GRID2: variants seen among roughly 807,000 people sequenced by gnomAD.
GRID2 encodes glutamate ionotropic receptor delta type subunit 2.
Under a neutral mutation model 114.8 loss-of-function variants are expected in GRID2, and 33 were observed. The ratio of observed to expected loss-of-function variants is 0.29; its 90% CI spans 0.22 to 0.38. The LOEUF is 0.38. Among genes scored for constraint, GRID2 ranks in the 10% least tolerant of loss-of-function variants. GRID2 has a pLI of 1.00. For synonymous variants in GRID2, 505 were observed against 449.9 expected (o/e 1.12, Z -1.55); for missense variants, 1,184 against 1,257.7 (o/e 0.94, Z 0.89).
At chr4:93,717,993 C>T (rs535360549) in intron 14 of GRID2, among the ~76,000 whole-genome samples, 5 of 152,280 alleles carry the variant, frequency 3.3e-5, no homozygotes, top group East Asian at 1.9e-4. Flanking sequence ...CGGTGACTTA[C>T]GCCTGTAATC....
intron 2 of GRID2, among the ~76,000 whole-genome samples, chr4:93,051,445 C>T (rs1726701806): frequency 6.6e-6 from 1 of 152,028 alleles, no homozygotes; most frequent in Non-Finnish European, 1.5e-5. Flanking sequence ...CATGTCACCT[C>T]AGACCTAGAC....
chr4:92,998,968 T>C (rs950461476), intron 2 of GRID2, among the ~76,000 whole-genome samples: 6 of 151,930 alleles, frequency 3.9e-5, no homozygotes, highest in African/African-American at 1.4e-4. Flanking sequence ...TGTAGAAAAT[T>C]ATGATATAGC....
intron 4 of GRID2, among the ~76,000 whole-genome samples, chr4:93,194,959 G>C (rs988469863): frequency 4.6e-5 from 7 of 152,096 alleles, no homozygotes; most frequent in African/African-American, 1.7e-4. Context: ...AATACATTGT[G>C]CACAGCTTTT....
chr4:92,837,741 A>T (rs1742558931), intron 2 of GRID2, among the ~76,000 whole-genome samples: 1 of 152,088 alleles, frequency 6.6e-6, no homozygotes, highest in African/African-American at 2.4e-5. Context: ...GGTAAAAAGT[A>T]ATTGGATTTG....
intron 13 of GRID2, among the ~76,000 whole-genome samples, chr4:93,617,086 G>A (rs1046632390): frequency 1.3e-5 from 2 of 151,946 alleles, no homozygotes; most frequent in African/African-American, 4.8e-5. Context: ...AGTTTTTGTT[G>A]CCATTATTTG....
At chr4:92,988,709 G>A (rs1309232144) in intron 2 of GRID2, among the ~76,000 whole-genome samples, 1 of 152,078 alleles carries the variant, frequency 6.6e-6, no homozygotes, top group Non-Finnish European at 1.5e-5. Flanking sequence ...TATCCTAGAA[G>A]TAATTAAAAT....
At chr4:93,176,830 G>A (rs1284357158) in intron 4 of GRID2, among the ~76,000 whole-genome samples, 1 of 152,064 alleles carries the variant, frequency 6.6e-6, no homozygotes, top group East Asian at 1.9e-4. Context: ...CTCTGAAGTG[G>A]GAATATCTCA....
intron 1 of GRID2, among the ~76,000 whole-genome samples, chr4:92,511,129 C>T (rs935911381): frequency 1.8e-4 from 28 of 151,744 alleles, no homozygotes; most frequent in Non-Finnish European, 2.8e-4. Context: ...GTAGGCTGTA[C>T]AGGAAGCATA....
intron 2 of GRID2, among the ~76,000 whole-genome samples, chr4:92,773,316 G>C (rs79089481): frequency 6.6e-6 from 1 of 152,100 alleles, no homozygotes; most frequent in Non-Finnish European, 1.5e-5. Flanking sequence ...TAACAGATTA[G>C]GTTCTAGTTC....
chr4:92,824,740 ATAT>A (rs1390403250), intron 2 of GRID2, among the ~76,000 whole-genome samples: 1 of 152,112 alleles, frequency 6.6e-6, no homozygotes, highest in Admixed American at 6.6e-5. Context: ...TGTATAAATA[ATAT>A]TAAGAATTTG....
intron 4 of GRID2, among the ~76,000 whole-genome samples, chr4:93,133,026 G>A (rs1734942883): frequency 6.6e-6 from 1 of 152,110 alleles, no homozygotes; most frequent in Admixed American, 6.6e-5. Context: ...CATGTTTTGA[G>A]GTTAAACCTG....
chr4:92,721,692 C>G (rs1398298133), intron 2 of GRID2, among the ~76,000 whole-genome samples: 3 of 152,046 alleles, frequency 2.0e-5, no homozygotes, highest in South Asian at 2.1e-4. Context: ...TGTAAGAATA[C>G]CTTTTTCTGT....
At chr4:93,523,111 A>G (rs937920473) in intron 13 of GRID2, among the ~76,000 whole-genome samples, 2 of 152,140 alleles carry the variant, frequency 1.3e-5, no homozygotes, top group African/African-American at 4.8e-5. Context: ...GGGTCTAGAA[A>G]TGGTTTGAGG....
At chr4:92,660,651 G>C (rs1264528316) in intron 2 of GRID2, among the ~76,000 whole-genome samples, 2 of 151,124 alleles carry the variant, frequency 1.3e-5, no homozygotes, top group Non-Finnish European at 3.0e-5. Context: ...CTTGCTCATA[G>C]ACACCTACTC....
At chr4:93,655,591 G>A (rs1321771863) in intron 14 of GRID2, among the ~76,000 whole-genome samples, 3 of 152,158 alleles carry the variant, frequency 2.0e-5, no homozygotes, top group Non-Finnish European at 4.4e-5. Context: ...CTAGAAATAA[G>A]ATTTAATTCT....
At chr4:92,599,922 G>A (rs1005326378) in intron 2 of GRID2, among the ~76,000 whole-genome samples, 2 of 151,036 alleles carry the variant, frequency 1.3e-5, no homozygotes, top group Non-Finnish European at 2.9e-5. Flanking sequence ...CTACTCGGGA[G>A]GCTCAGGCAG....
chr4:93,515,178 T>C (rs1729586412), intron 12 of GRID2, 38 bp from the exon 13 acceptor site: 1 of 925,818 alleles, frequency 1.1e-6, no homozygotes, highest in African/African-American at 1.7e-5. Context: ...TACTCAGTAA[T>C]GTGTCTCTTG....
At chr4:93,532,737 T>C (rs577794987) in intron 13 of GRID2, among the ~76,000 whole-genome samples, 1 of 152,206 alleles carries the variant, frequency 6.6e-6, no homozygotes, top group Non-Finnish European at 1.5e-5. Flanking sequence ...AATAATTATA[T>C]GCAAATTTGG....
intron 2 of GRID2, among the ~76,000 whole-genome samples, chr4:92,731,893 T>G (rs1736345312): frequency 6.6e-6 from 1 of 151,812 alleles, no homozygotes; most frequent in Non-Finnish European, 1.5e-5. Flanking sequence ...TTGAAAGGAG[T>G]GTTTGAAATC....
Sources: gnomAD v4.1 joint callset for allele counts (sites outside exome capture counted in the v4.1 genomes callset) on GRCh38, gnomAD v4.1.1 for gene constraint, MANE v1.5 for transcripts, NCBI Gene and HGNC (gene_info 2026-07-23, HGNC 2026-07-21) for gene names.